Variants in PTPRM observed in about 807,000 individuals in gnomAD.
The protein encoded by PTPRM is receptor-type tyrosine-protein phosphatase mu.
A neutral mutation model predicts 186.7 loss-of-function variants in PTPRM; 47 were observed. The observed-to-expected ratio is 0.25, with a 90% CI of 0.20 to 0.32. PTPRM has a LOEUF of 0.32. Ranked by LOEUF, PTPRM falls within the 10% of genes least tolerant of loss-of-function variation. PTPRM has a pLI of 1.00. For missense variants in PTPRM, 1,494 were observed against 1,865.0 expected, an observed-to-expected ratio of 0.80 and a Z score of 3.66; for synonymous variants, 668 against 674.9, an observed-to-expected ratio of 0.99 and a Z score of 0.16.
Position 7,949,495 on chromosome 18 carries a change from T to A in PTPRM, c.838+140T>A, listed in dbSNP as rs192300118. ...TTGATGACAGGCTATTTTGATGGAT[T>A]GCATTTTAAGTACAAATTTTGCACG... On this transcript the variant is annotated intron_variant, in intron 6 of 32. Coordinates refer to ENST00000580170, the MANE Select transcript of PTPRM (RefSeq NM_001105244.2). 151 of 715,924 alleles carry A rather than the reference T, an allele frequency of 2.1e-4. 1 individual carries two copies. The highest frequency in any genetic ancestry group is 8.5e-6 in the Non-Finnish European group (4 of 469,878). 44.3% of individuals were successfully genotyped at this position (715,924 alleles called of 1,614,324 possible). A position where few individuals can be genotyped will look rare whatever the true frequency, so the allele number is the denominator to read the frequency against.
At chr18:7,774,026 G>A (rs2042463145) in intron 1 of PTPRM, 123 bp from the exon 2 acceptor site, 1 of 975,066 alleles carries the variant, frequency 1.0e-6, no homozygotes, top group Non-Finnish European at 1.5e-6. Flanking sequence ...TGAGTGGAAA[G>A]ACCTAATCAG....
intron 7 of PTPRM, among the ~76,000 whole-genome samples, chr18:8,068,528 C>T (rs933883135): frequency 6.6e-6 from 1 of 152,160 alleles, no homozygotes; most frequent in Non-Finnish European, 1.5e-5. Flanking sequence ...TGCTTATATT[C>T]TCTCCATGTC....
chr18:7,629,389 T>G (rs528058411), intron 1 of PTPRM, among the ~76,000 whole-genome samples: 1 of 152,306 alleles, frequency 6.6e-6, no homozygotes, highest in South Asian at 2.1e-4. Flanking sequence ...ATCCAGCCAC[T>G]TGTTGAAAGG....
At chr18:7,976,073 G>A (rs1216982511) in intron 7 of PTPRM, among the ~76,000 whole-genome samples, 2 of 152,170 alleles carry the variant, frequency 1.3e-5, no homozygotes, top group Non-Finnish European at 2.9e-5. Context: ...GGAGGCTGAG[G>A]CAGGAAAATA....
chr18:7,842,046 G>A (rs1482352133), intron 2 of PTPRM, among the ~76,000 whole-genome samples: 2 of 152,106 alleles, frequency 1.3e-5, no homozygotes, highest in East Asian at 3.9e-4. Flanking sequence ...TTGAGCAGGT[G>A]AGGGCACCTG....
chr18:8,292,320 A>G (rs560849284), intron 19 of PTPRM, among the ~76,000 whole-genome samples: 58 of 152,364 alleles, frequency 3.8e-4, no homozygotes, highest in African/African-American at 1.3e-3. Context: ...AACATTTTTA[A>G]TCTCCATAAC....
chr18:8,094,342 G>T (rs963575340), intron 11 of PTPRM, among the ~76,000 whole-genome samples: 3 of 151,450 alleles, frequency 2.0e-5, no homozygotes, highest in Non-Finnish European at 4.4e-5. Context: ...ACTCCAACTT[G>T]GGCAGCTGAG....
intron 14 of PTPRM, among the ~76,000 whole-genome samples, chr18:8,199,053 C>T (rs1356721717): frequency 6.6e-6 from 1 of 152,074 alleles, no homozygotes; most frequent in East Asian, 1.9e-4. Context: ...ATGCCTGCTC[C>T]ATCTCGGCGG....
chr18:8,296,790 G>A (rs2095101726), intron 20 of PTPRM, among the ~76,000 whole-genome samples: 1 of 152,136 alleles, frequency 6.6e-6, no homozygotes, highest in African/African-American at 2.4e-5. Flanking sequence ...TGGAAATAAT[G>A]ATGCACAGCT....
chr18:7,822,966 TCAG>T (rs1228860805), intron 2 of PTPRM, among the ~76,000 whole-genome samples: 2 of 152,174 alleles, frequency 1.3e-5, no homozygotes, highest in Admixed American at 1.3e-4. Context: ...TGTAGGATGT[TCAG>T]CAGCATTCCT....
intron 1 of PTPRM, among the ~76,000 whole-genome samples, chr18:7,716,079 C>A (rs1247702123): frequency 6.6e-6 from 1 of 152,118 alleles, no homozygotes; most frequent in African/African-American, 2.4e-5. Context: ...AAGAACAAAG[C>A]TGGAGGGATC....
At chr18:8,125,933 C>T (rs1179575936) in intron 13 of PTPRM, among the ~76,000 whole-genome samples, 1 of 134,364 alleles carries the variant, frequency 7.4e-6, no homozygotes, top group Admixed American at 7.8e-5. Context: ...AATAACCCAG[C>T]CAACCCTGAC....
intron 8 of PTPRM, among the ~76,000 whole-genome samples, chr18:8,070,484 G>A (rs532493672): frequency 5.3e-4 from 80 of 152,274 alleles, no homozygotes; most frequent in Non-Finnish European, 9.4e-4. Context: ...GTAAGTTGGT[G>A]GTCATGAAAC....
chr18:7,754,082 C>T (rs904163726), intron 1 of PTPRM, among the ~76,000 whole-genome samples: 2 of 152,148 alleles, frequency 1.3e-5, no homozygotes, highest in African/African-American at 4.8e-5. Flanking sequence ...GCTTATATTT[C>T]CAGTATGTGA....
chr18:7,892,993 AC>A (rs1325809453), intron 3 of PTPRM, among the ~76,000 whole-genome samples: 1 of 152,236 alleles, frequency 6.6e-6, no homozygotes, highest in Non-Finnish European at 1.5e-5. Context: ...CTTGGGGAGT[AC>A]ACAAACATTC....
At chr18:8,018,325 G>A (rs897637372) in intron 7 of PTPRM, among the ~76,000 whole-genome samples, 5 of 152,136 alleles carry the variant, frequency 3.3e-5, no homozygotes, top group African/African-American at 1.2e-4. Flanking sequence ...GGAACCTTAG[G>A]AACCTTTTTA....
chr18:8,100,241 C>A (rs1249217985), intron 11 of PTPRM, among the ~76,000 whole-genome samples: 1 of 152,072 alleles, frequency 6.6e-6, no homozygotes, highest in African/African-American at 2.4e-5. Context: ...CCGGTTCAAG[C>A]AGTTCTTCTT....
intron 1 of PTPRM, among the ~76,000 whole-genome samples, chr18:7,726,150 C>G (rs377522664): frequency 2.0e-5 from 3 of 152,226 alleles, no homozygotes; most frequent in African/African-American, 4.8e-5. Flanking sequence ...AGCACCAGCA[C>G]GAGTGCACTC....
At chr18:7,656,399 TC>T (rs1363849062) in intron 1 of PTPRM, among the ~76,000 whole-genome samples, 1 of 152,076 alleles carries the variant, frequency 6.6e-6, no homozygotes, top group Non-Finnish European at 1.5e-5. Flanking sequence ...GAATTGTGGT[TC>T]CCCGGGGTGA....
Sources: allele counts gnomAD v4.1 joint callset (sites outside exome capture counted in the v4.1 genomes callset), GRCh38; gene constraint gnomAD v4.1.1; transcripts MANE v1.5; gene names NCBI Gene and HGNC (gene_info 2026-07-23, HGNC 2026-07-21).